The following SPAG17 variants were observed in gnomAD, a reference collection of about 807,000 sequenced individuals.
The protein encoded by SPAG17 is sperm associated antigen 17.
In SPAG17, 169 loss-of-function variants were observed where a neutral mutation model predicts 273.6. That is an observed-to-expected ratio of 0.62 (90% CI 0.55 to 0.70). SPAG17 has a LOEUF of 0.70. Ranked by LOEUF, SPAG17 falls within the 30% of genes least tolerant of loss-of-function variation. The pLI, the probability that SPAG17 is intolerant of heterozygous loss-of-function variation, is 0.00. For missense variants in SPAG17, 2,557 were observed against 2,627.8 expected (o/e 0.97, Z 0.59); for synonymous variants, 825 against 873.2 (o/e 0.94, Z 0.97).
At chr1:118,041,766 G>T (rs556989706) in intron 21 of SPAG17, 37 bp downstream of exon 21, 74 of 1,590,324 alleles carry the variant, frequency 4.7e-5, no homozygotes, top group Admixed American at 9.2e-5. Flanking sequence ...ATTAGGAATA[G>T]CCCAAAGAGA....
chr1:117,959,160 A>G, intron 48 of SPAG17: 1 of 1,370,754 alleles, frequency 7.3e-7, no homozygotes, highest in African/African-American at 1.5e-5. Flanking sequence ...AGAAAAAACA[A>G]ACAAGAAAAG....
rs1456602109 is a variant in SPAG17, at chr1:117,996,749, G to A, written c.4777-6C>T. ...ATGCTACCATCAGCCATGACCTAAG[G>A]GATAAAGTATGTAAGCAACTAAAAG... On this transcript the variant is annotated splice_polypyrimidine_tract_variant and splice_region_variant and intron_variant, in intron 32 of 48. Coordinates refer to ENST00000336338, the MANE Select transcript of SPAG17 (RefSeq NM_206996.4). 3.8e-6 allele frequency: 6 copies of A among 1,591,944 alleles called. No individual in the cohort carries two copies. Among genetic ancestry groups the A allele is most frequent in the South Asian group, 2.3e-5 (2 of 86,324 alleles).
chr1:117,978,137 G>A (rs887652871), intron 43 of SPAG17, among the ~76,000 whole-genome samples: 22 of 152,052 alleles, frequency 1.4e-4, no homozygotes, highest in African/African-American at 5.1e-4. Context: ...ACCTCACTGA[G>A]GTCTCTCACC....
rs1655090265 is a variant in SPAG17 at position 118,087,546 on chromosome 1, C to T, written c.1360-538G>A. Reference sequence around the variant, plus strand: ...GCTCAAGGATATTGAGTGGAAGAAACTGGGGTTCAGGCCCAATCCTCATTC... The same window carrying T: ...GCTCAAGGATATTGAGTGGAAGAAATTGGGGTTCAGGCCCAATCCTCATTC... On this transcript the variant is annotated intron_variant, in intron 10 of 48. Transcript: ENST00000336338. Among the ~76,000 whole-genome samples, 3 of 152,108 alleles carry T rather than the reference C, an allele frequency of 2.0e-5. No homozygotes were observed. In the South Asian group the frequency reaches 6.2e-4, roughly 31 times the overall value.
chr1:117,973,688 A>C (rs1367730999), intron 43 of SPAG17, 127 bp from the exon 44 acceptor site: 1 of 815,846 alleles, frequency 1.2e-6, no homozygotes, highest in African/African-American at 1.8e-5. Context: ...CAAAGAGCTT[A>C]TTTATTTATT....
At chr1:117,971,712 A>G (rs1217535922) in intron 45 of SPAG17, 151 bp downstream of exon 45, 1 of 550,380 alleles carries the variant, frequency 1.8e-6, no homozygotes, top group Non-Finnish European at 3.1e-6. Context: ...TGAATGAATG[A>G]GTTAGTGTGT....
At chr1:117,974,907 T>C (rs1297847958) in intron 43 of SPAG17, among the ~76,000 whole-genome samples, 1 of 152,180 alleles carries the variant, frequency 6.6e-6, no homozygotes, top group African/African-American at 2.4e-5. Flanking sequence ...CTGGCAGTGA[T>C]AATCTTGGAC....
At chr1:118,151,094 CTAAA>C in intron 2 of SPAG17, 131 bp downstream of exon 2, 3 of 693,532 alleles carry the variant, frequency 4.3e-6, no homozygotes, top group Non-Finnish European at 6.2e-6. Context: ...TTTATTCTGG[CTAAA>C]TAGTTACTTA....
rs556731822 is a variant in SPAG17, at chr1:118,151,224, G to C, written c.228+5C>G. On this transcript the variant is annotated splice_donor_5th_base_variant and intron_variant, in intron 2 of 48. Coordinates refer to ENST00000336338, the MANE Select transcript of SPAG17 (RefSeq NM_206996.4). ...GGTGGCTTTGAGGTAGGAAGGGACAGGTACCTGCTGGAGAATGTCTTGCCA... is the reference window on the plus strand; with the variant it reads ...GGTGGCTTTGAGGTAGGAAGGGACACGTACCTGCTGGAGAATGTCTTGCCA... 1.3e-6 allele frequency: 2 copies of C among 1,562,670 alleles called. No individual in the cohort carries two copies. Among genetic ancestry groups the C allele is most frequent in the South Asian group, 2.5e-5 (2 of 80,004 alleles).
chr1:118,019,326 A>G (rs184704244), intron 28 of SPAG17, among the ~76,000 whole-genome samples: 1 of 152,270 alleles, frequency 6.6e-6, no homozygotes. Flanking sequence ...AAGAAGTGTT[A>G]GATATTAAAA....
rs1429273548 is a variant in SPAG17, at chr1:117,970,035, CAG to C, written c.6387+19_6387+20del. Reference sequence around the variant, plus strand: ...CTTGCATGCACGCAAGCACACACAACAGATGACATATAGGACTTACAGGTCCA... The same window carrying C: ...CTTGCATGCACGCAAGCACACACAACATGACATATAGGACTTACAGGTCCA... On this transcript the variant is annotated intron_variant, in intron 46 of 48. Transcript: ENST00000336338. The C allele has an allele frequency of 6.2e-7, 1 of 1,611,532 alleles. No individual in the cohort carries two copies.
intron 10 of SPAG17, among the ~76,000 whole-genome samples, chr1:118,089,612 A>AT (rs1298054953): frequency 6.6e-6 from 1 of 152,206 alleles, no homozygotes; most frequent in Non-Finnish European, 1.5e-5. Flanking sequence ...TCAGATTGAC[A>AT]TCAGACTTCT....
intron 28 of SPAG17, among the ~76,000 whole-genome samples, chr1:118,021,292 C>A (rs140941125): frequency 3.7e-4 from 57 of 152,052 alleles, no homozygotes; most frequent in African/African-American, 1.2e-3. Flanking sequence ...AGTGAAAGAA[C>A]CTGGTCTAGA....
intron 13 of SPAG17, among the ~76,000 whole-genome samples, chr1:118,082,883 G>A (rs1442225755): frequency 1.3e-5 from 2 of 152,172 alleles, no homozygotes; most frequent in African/African-American, 2.4e-5. Flanking sequence ...CTGAGGCAGG[G>A]GTGTGACTTA....
chr1:118,177,616 G>A (rs540115602), intron 1 of SPAG17, among the ~76,000 whole-genome samples: 5 of 152,152 alleles, frequency 3.3e-5, no homozygotes, highest in African/African-American at 1.2e-4. Flanking sequence ...AAAAAATACA[G>A]ATCAATGGAA....
intron 25 of SPAG17, among the ~76,000 whole-genome samples, chr1:118,029,281 A>T (rs1648147890): frequency 6.6e-6 from 1 of 152,142 alleles, no homozygotes; most frequent in Non-Finnish European, 1.5e-5. Context: ...CTCTTACCAG[A>T]CATAAAATCT....
chr1:118,088,107 T>C (rs1467678306), intron 10 of SPAG17, among the ~76,000 whole-genome samples: 3 of 152,222 alleles, frequency 2.0e-5, no homozygotes, highest in Non-Finnish European at 4.4e-5. Flanking sequence ...TCTGATCATT[T>C]CTTTGACCCA....
At chr1:118,123,770 C>A (rs1657549765) in intron 3 of SPAG17, among the ~76,000 whole-genome samples, 1 of 152,092 alleles carries the variant, frequency 6.6e-6, no homozygotes, top group African/African-American at 2.4e-5. Flanking sequence ...AATAAACAAC[C>A]CCTTTCAAGA....
intron 32 of SPAG17, among the ~76,000 whole-genome samples, chr1:118,000,834 C>T (rs528856791): frequency 2.3e-4 from 35 of 152,016 alleles, no homozygotes; most frequent in Middle Eastern, 3.4e-3. Context: ...GCCTGATTGC[C>T]CTGGCCAGAA....
Sources: gnomAD v4.1 joint callset for allele counts (sites outside exome capture counted in the v4.1 genomes callset) on GRCh38, gnomAD v4.1.1 for gene constraint, MANE v1.5 for transcripts, NCBI Gene and HGNC (gene_info 2026-07-23, HGNC 2026-07-21) for gene names.